The following TMEM131L variants were observed in gnomAD, a reference collection of about 807,000 sequenced individuals.
TMEM131L encodes the protein transmembrane 131 like, also known as transmembrane protein 131-like.
In TMEM131L, 54 loss-of-function variants were observed where a neutral mutation model predicts 192.2. The ratio of observed to expected loss-of-function variants is 0.28; its 90% confidence interval spans 0.23 to 0.35. TMEM131L has a LOEUF of 0.35. TMEM131L is among the 10% of genes least tolerant of loss of function. TMEM131L has a pLI of 1.00. For missense variants in TMEM131L, 1,888 were observed against 1,972.9 expected (o/e 0.96, Z 0.82); for synonymous variants, 701 against 704.9 (o/e 0.99, Z 0.09).
At chr4:153,506,074 G>A (rs958772848) in intron 3 of TMEM131L, among the ~76,000 whole-genome samples, 1 of 152,182 alleles carries the variant, frequency 6.6e-6, no homozygotes, top group Non-Finnish European at 1.5e-5. Context: ...CGCTGTGAAG[G>A]TGAAAAACAA....
At chr4:153,539,473 CATT>C (rs933000920) in intron 3 of TMEM131L, among the ~76,000 whole-genome samples, 13 of 141,140 alleles carry the variant, frequency 9.2e-5, no homozygotes, top group East Asian at 2.2e-4. Context: ...GTTTTAAAAA[CATT>C]ATGTTCAGAG....
intron 18 of TMEM131L, 99 bp downstream of exon 18, chr4:153,592,683 G>A: frequency 1.2e-6 from 1 of 829,042 alleles, no homozygotes; most frequent in Non-Finnish European, 2.0e-6. Flanking sequence ...CCTGTGTGTG[G>A]ATGTGGACAC....
At chr4:153,598,767 G>A (rs1266447543) in intron 21 of TMEM131L, 35 bp downstream of exon 21, 11 of 1,503,200 alleles carry the variant, frequency 7.3e-6, no homozygotes, top group Middle Eastern at 3.7e-4. Context: ...GACAGGGGAG[G>A]TTGGCATTAA....
intron 3 of TMEM131L, among the ~76,000 whole-genome samples, chr4:153,518,035 A>ACATT: frequency 6.6e-6 from 1 of 152,026 alleles, no homozygotes; most frequent in African/African-American, 2.4e-5. Context: ...ATGGGGTGAA[A>ACATT]AAAAAAACAG....
At chr4:153,569,365 C>T (rs1729431074) in intron 7 of TMEM131L, among the ~76,000 whole-genome samples, 1 of 152,136 alleles carries the variant, frequency 6.6e-6, no homozygotes, top group African/African-American at 2.4e-5. Flanking sequence ...GAGTTTGCCC[C>T]TAGACAGCTT....
chr4:153,576,542 G>T (rs1729954596), intron 7 of TMEM131L, among the ~76,000 whole-genome samples: 1 of 152,072 alleles, frequency 6.6e-6, no homozygotes. Flanking sequence ...GCGAAATAGG[G>T]TTGTTAATTG....
At chr4:153,583,534 T>C (rs370081967) in intron 10 of TMEM131L, 30 bp from the exon 11 acceptor site, 1 of 1,362,940 alleles carries the variant, frequency 7.3e-7, no homozygotes, top group Admixed American at 1.7e-5. Flanking sequence ...CAGCTGAGAG[T>C]AGTCACATGG....
intron 19 of TMEM131L, among the ~76,000 whole-genome samples, chr4:153,595,994 C>T (rs1407830276): frequency 2.0e-5 from 3 of 152,178 alleles, no homozygotes. Context: ...CTAGCCCCAA[C>T]TTCCATTCAA....
chr4:153,612,287 G>C lies in TMEM131L; in HGVS notation c.3454G>C (p.Asp1152His), dbSNP rs373696645. The C allele has an allele frequency of 8.2e-6, 13 of 1,588,164 alleles. No homozygotes were observed. The Admixed American group carries it at 9.1e-5, about 11-fold the overall frequency. Residue 1152 changes from aspartate to histidine, a missense_variant, in exon 26 of 35, where the codon GAT (aspartate) becomes CAT (histidine). Physicochemically the swap from Asp to His is moderately conservative, Grantham distance 81 (BLOSUM62 -1). Transcript: ENST00000409959. Reference protein sequence around the residue: ...NQQVPVKNEVDHCENLKKVDT... With the variant: ...NQQVPVKNEVHHCENLKKVDT... ...GCAAGTACCTGTCAAGAATGAAGTA[G>C]ATCATTGTGAAAATTTGAAGAAGGT...
chr4:153,606,490 G>A (rs1434637923), intron 25 of TMEM131L, among the ~76,000 whole-genome samples: 1 of 152,200 alleles, frequency 6.6e-6, no homozygotes, highest in African/African-American at 2.4e-5. Flanking sequence ...TGTCAGAGTA[G>A]GTCAGAGGAT....
Position 153,557,009 on chromosome 4 carries a change from T to C in TMEM131L, c.476T>C (p.Leu159Ser). Reference protein sequence around the residue: ...MGKTSFRIIFLPTEEGSIESS... With the variant: ...MGKTSFRIIFSPTEEGSIESS... ...AAAACTTCCTTCAGAATTATTTTCT[T>C]ACCTACTGAAGAAGGAAGCATTGAA... is the stretch of plus-strand genomic sequence containing the variant. Residue 159 changes from leucine (L) to serine (S), a missense_variant, in exon 6 of 35, where the codon TTA becomes TCA. Coordinates refer to ENST00000409959, the MANE Select transcript of TMEM131L (RefSeq NM_001131007.2). 1 of 1,603,018 alleles carries C rather than the reference T, an allele frequency of 6.2e-7. No homozygotes were observed. Among genetic ancestry groups the C allele is most frequent in the Non-Finnish European group, 8.5e-7 (1 of 1,170,922 alleles).
intron 1 of TMEM131L, among the ~76,000 whole-genome samples, chr4:153,466,826 C>T (rs960202943): frequency 4.6e-5 from 7 of 152,098 alleles, no homozygotes; most frequent in African/African-American, 1.7e-4. Flanking sequence ...CTTTGTGTGG[C>T]GCGCGCGGGT....
At chr4:153,581,157 G>A (rs1213368122) in intron 8 of TMEM131L, among the ~76,000 whole-genome samples, 1 of 152,230 alleles carries the variant, frequency 6.6e-6, no homozygotes, top group Non-Finnish European at 1.5e-5. Flanking sequence ...GGGAGGCTGA[G>A]GCAGGAGAAT....
intron 3 of TMEM131L, among the ~76,000 whole-genome samples, chr4:153,549,497 G>A (rs934520975): frequency 6.6e-6 from 1 of 152,144 alleles, no homozygotes; most frequent in African/African-American, 2.4e-5. Flanking sequence ...TTAAAAATAT[G>A]TTTTGATATG....
intron 24 of TMEM131L, 43 bp downstream of exon 24, chr4:153,603,495 C>G: frequency 6.4e-7 from 1 of 1,561,968 alleles, no homozygotes. Context: ...GGCGGTTTCT[C>G]ACTTTTGATA....
At chr4:153,634,384 T>TGAGAATGA (rs1279336865) in intron 33 of TMEM131L, 104 bp downstream of exon 33, 1 of 918,572 alleles carries the variant, frequency 1.1e-6, no homozygotes, top group Non-Finnish European at 1.8e-6. Flanking sequence ...GAGCAGACTT[T>TGAGAATGA]GAGAATGAGC....
chr4:153,635,688 G>T (rs1734521498), intron 34 of TMEM131L, 117 bp downstream of exon 34: 1 of 1,207,800 alleles, frequency 8.3e-7, no homozygotes, highest in South Asian at 1.5e-5. Flanking sequence ...CCAAAGCCTG[G>T]CTTGCTTCTT....
intron 3 of TMEM131L, among the ~76,000 whole-genome samples, chr4:153,495,857 C>T (rs954812019): frequency 2.6e-5 from 4 of 152,140 alleles, no homozygotes; most frequent in Non-Finnish European, 4.4e-5. Context: ...GGCATGATTC[C>T]CAGCTTGACC....
intron 27 of TMEM131L, among the ~76,000 whole-genome samples, chr4:153,621,254 T>C (rs1253572162): frequency 6.6e-6 from 1 of 152,162 alleles, no homozygotes; most frequent in Non-Finnish European, 1.5e-5. Context: ...CCTCTGCTGT[T>C]CCCTGTTCAG....
Sources: allele counts gnomAD v4.1 joint callset (sites outside exome capture counted in the v4.1 genomes callset), GRCh38; gene constraint gnomAD v4.1.1; transcripts MANE v1.5; gene names NCBI Gene and HGNC (gene_info 2026-07-23, HGNC 2026-07-21).